Variants in IGF1R observed in about 807,000 individuals in gnomAD.
IGF1R encodes the protein insulin like growth factor 1 receptor.
IGF1R carries 44 observed loss-of-function variants against 144.6 expected under a neutral mutation model. The ratio of observed to expected loss-of-function variants is 0.30; its 90% CI spans 0.24 to 0.39. The LOEUF (loss-of-function observed/expected upper bound fraction) is 0.39. Among genes scored for constraint, IGF1R ranks in the 10% least tolerant of loss-of-function variants. The pLI is 1.00. For missense variants in IGF1R, 1,355 were observed against 1,833.7 expected, an observed-to-expected ratio of 0.74 and a Z score of 4.77; for synonymous variants, 795 against 722.8, an observed-to-expected ratio of 1.10 and a Z score of -1.60.
At chr15:98,864,440 T>A (rs1454109729) in intron 2 of IGF1R, among the ~76,000 whole-genome samples, 1 of 152,244 alleles carries the variant, frequency 6.6e-6, no homozygotes, top group African/African-American at 2.4e-5. Flanking sequence ...TGGAGTGCAG[T>A]GTTGCTCTCA....
At chr15:98,802,581 A>G (rs2056385471) in intron 2 of IGF1R, among the ~76,000 whole-genome samples, 1 of 152,234 alleles carries the variant, frequency 6.6e-6, no homozygotes, top group Non-Finnish European at 1.5e-5. Context: ...AACTCTGCGA[A>G]AGACAGGGGT....
intron 13 of IGF1R, among the ~76,000 whole-genome samples, chr15:98,926,304 G>C (rs1056681093): frequency 2.0e-5 from 3 of 152,164 alleles, no homozygotes; most frequent in Non-Finnish European, 4.4e-5. Context: ...GTTACCAGGG[G>C]CTGAGGGTGA....
chr15:98,661,660 A>G (rs2052601421), intron 1 of IGF1R, among the ~76,000 whole-genome samples: 2 of 152,158 alleles, frequency 1.3e-5, no homozygotes, highest in Admixed American at 6.5e-5. Context: ...CCCTCAAACA[A>G]TTCACTGTCT....
intron 1 of IGF1R, among the ~76,000 whole-genome samples, chr15:98,670,788 G>A (rs1273656461): frequency 6.6e-6 from 1 of 152,310 alleles, no homozygotes; most frequent in South Asian, 2.1e-4. Context: ...CACAGGAAAT[G>A]ACTTTATTTT....
rs918316783 is a variant in IGF1R, at chr15:98,740,543, C to T, written c.640+32436C>T. 3.3e-5 allele frequency among the ~76,000 whole-genome samples: 5 copies of T among 152,142 alleles called. No individual in the cohort carries two copies. The South Asian group carries it at 6.2e-4, about 19-fold the overall frequency. ...CTGAAAAGGCTTTTGTGGTTAGTTACGTGTGATACAAGAAATCGATGTGTC... is the reference window on the plus strand; with the variant it reads ...CTGAAAAGGCTTTTGTGGTTAGTTATGTGTGATACAAGAAATCGATGTGTC... On this transcript the variant is annotated intron_variant, in intron 2 of 20. Transcript: ENST00000650285.
At chr15:98,674,115 TGA>T (rs1427996471) in intron 1 of IGF1R, among the ~76,000 whole-genome samples, 2 of 111,822 alleles carry the variant, frequency 1.8e-5, no homozygotes, top group East Asian at 6.1e-4. Context: ...CTCAGCTTTT[TGA>T]GAGAGTGGGT....
At chr15:98,956,945 G>A in intron 20 of IGF1R, 116 bp from the exon 21 acceptor site, 3 of 1,185,948 alleles carry the variant, frequency 2.5e-6, no homozygotes, top group Non-Finnish European at 3.7e-6. Context: ...GCAGGGCTGT[G>A]TTCAGTGCTC....
intron 1 of IGF1R, among the ~76,000 whole-genome samples, chr15:98,671,537 T>A (rs1185873403): frequency 6.6e-6 from 1 of 152,214 alleles, no homozygotes; most frequent in Non-Finnish European, 1.5e-5. Context: ...GCTTCCTTAT[T>A]GGTTCATTTA....
At chr15:98,931,354 C>G (rs1250663693) in intron 15 of IGF1R, among the ~76,000 whole-genome samples, 4 of 152,154 alleles carry the variant, frequency 2.6e-5, no homozygotes, top group African/African-American at 9.7e-5. Flanking sequence ...AATAAAGAGA[C>G]ATGATTATTC....
intron 14 of IGF1R, 131 bp downstream of exon 14, chr15:98,929,791 A>C: frequency 1.3e-6 from 1 of 740,876 alleles, no homozygotes. Flanking sequence ...TTTCCCATCA[A>C]ATGTTCTTCC....
chr15:98,928,911 A>ATG (rs1308706791), intron 13 of IGF1R, among the ~76,000 whole-genome samples: 5 of 151,994 alleles, frequency 3.3e-5, no homozygotes, highest in East Asian at 1.9e-4. Flanking sequence ...CAGTGTGTGC[A>ATG]TGTGTGTGTG....
At chr15:98,729,920 C>T (rs2054458576) in intron 2 of IGF1R, among the ~76,000 whole-genome samples, 1 of 152,180 alleles carries the variant, frequency 6.6e-6, no homozygotes, top group Non-Finnish European at 1.5e-5. Context: ...ACTTGTAACA[C>T]CCTGTCTGCA....
chr15:98,692,044 C>A (rs560886162), intron 1 of IGF1R, among the ~76,000 whole-genome samples: 3 of 150,398 alleles, frequency 2.0e-5, no homozygotes, highest in Non-Finnish European at 2.9e-5. Flanking sequence ...AAAAATATTT[C>A]TTTCTTTGGC....
At chr15:98,757,075 A>T (rs917641034) in intron 2 of IGF1R, among the ~76,000 whole-genome samples, 4 of 152,238 alleles carry the variant, frequency 2.6e-5, no homozygotes, top group African/African-American at 9.7e-5. Flanking sequence ...TGTATTTAGT[A>T]AATCAAACTT....
chr15:98,855,284 A>G (rs917033431), intron 2 of IGF1R, among the ~76,000 whole-genome samples: 35 of 152,334 alleles, frequency 2.3e-4, no homozygotes, highest in Non-Finnish European at 4.6e-4. Flanking sequence ...CAGCGCTCTC[A>G]GCCAGCGTGG....
intron 2 of IGF1R, among the ~76,000 whole-genome samples, chr15:98,817,743 C>G (rs2056725684): frequency 6.6e-6 from 1 of 152,196 alleles, no homozygotes; most frequent in Admixed American, 6.5e-5. Flanking sequence ...TTCCCTCTCC[C>G]TCTCTGTGTT....
At chr15:98,834,557 C>T (rs2057059762) in intron 2 of IGF1R, among the ~76,000 whole-genome samples, 1 of 152,158 alleles carries the variant, frequency 6.6e-6, no homozygotes, top group African/African-American at 2.4e-5. Flanking sequence ...TCTGTTGGGA[C>T]AAATCAAGCT....
chr15:98,835,356 C>T (rs570694109), intron 2 of IGF1R, among the ~76,000 whole-genome samples: 2 of 152,216 alleles, frequency 1.3e-5, no homozygotes, highest in South Asian at 2.1e-4. Context: ...CCCCTACCAG[C>T]GAAGTGGAAG....
At chr15:98,939,667 A>C (rs1237359398) in intron 18 of IGF1R, among the ~76,000 whole-genome samples, 1 of 152,206 alleles carries the variant, frequency 6.6e-6, no homozygotes, top group Non-Finnish European at 1.5e-5. Flanking sequence ...AATTAAGACA[A>C]TGTCTTCAGG....
Sources: allele counts gnomAD v4.1 joint callset (sites outside exome capture counted in the v4.1 genomes callset), GRCh38; gene constraint gnomAD v4.1.1; transcripts MANE v1.5; gene names NCBI Gene and HGNC (gene_info 2026-07-23, HGNC 2026-07-21).